LIN52: variants seen among roughly 807,000 people sequenced by gnomAD.
The protein encoded by LIN52 is protein lin-52 homolog.
LIN52 carries 4 observed loss-of-function variants against 18.5 expected under a neutral mutation model. That is an observed-to-expected ratio of 0.22 (90% CI 0.11 to 0.49). The LOEUF is 0.49. Ranked by LOEUF, LIN52 falls within the 20% of genes least tolerant of loss-of-function variation. LIN52 has a pLI of 0.97. For synonymous variants in LIN52, 34 were observed against 45.5 expected (o/e 0.75, Z 1.02); for missense variants, 102 against 139.5 (o/e 0.73, Z 1.35).
intron 5 of LIN52, among the ~76,000 whole-genome samples, chr14:74,117,662 G>A (rs2060973424): frequency 6.6e-6 from 1 of 152,116 alleles, no homozygotes; most frequent in Non-Finnish European, 1.5e-5. Flanking sequence ...AGTTATTGAT[G>A]TTCTAGAAAT....
Position 74,175,752 on chromosome 14 carries a change from C to CACACACACACACA in LIN52, c.284-23170_284-23169insACACACACACACA, listed in dbSNP as rs1566867516. ...CACACACACACACACACACACACACCCCCATTATACAGCTATACCAAAATC... is the reference window on the plus strand; with the variant it reads ...CACACACACACACACACACACACACCACACACACACACACCCATTATACAGCTATACCAAAATC... On this transcript the variant is annotated intron_variant, in intron 5 of 5. Transcript: ENST00000555028. 1.7e-3 allele frequency among the ~76,000 whole-genome samples: 192 copies of CACACACACACACA among 116,128 alleles called. 1 individual carries two copies. The highest frequency in any genetic ancestry group is 6.3e-3 in the African/African-American group (151 of 24,074). 76.2% of individuals were successfully genotyped at this position (116,128 alleles called of 152,430 possible).
chr14:74,103,291 C>T (rs1466261472), intron 5 of LIN52, among the ~76,000 whole-genome samples: 1 of 152,106 alleles, frequency 6.6e-6, no homozygotes, highest in Non-Finnish European at 1.5e-5. Context: ...GGTGGCCAGG[C>T]TGGTCTCAAA....
chr14:74,088,722 G>A (rs1231155892), intron 1 of LIN52, among the ~76,000 whole-genome samples: 2 of 152,166 alleles, frequency 1.3e-5, no homozygotes, highest in Non-Finnish European at 2.9e-5. Context: ...TATATTTTCT[G>A]GGGAGTGAGT....
At chr14:74,170,773 A>G (rs1186534826) in intron 5 of LIN52, among the ~76,000 whole-genome samples, 1 of 152,104 alleles carries the variant, frequency 6.6e-6, no homozygotes, top group Non-Finnish European at 1.5e-5. Context: ...TATTAAAAGC[A>G]AAATTAATAG....
Position 74,200,402 on chromosome 14 carries a change from G to C in LIN52, c.*1425G>C. On this transcript the variant is annotated 3_prime_UTR_variant, in exon 6 of 6. Coordinates refer to ENST00000555028, the MANE Select transcript of LIN52 (RefSeq NM_001024674.3). ...CACTCCAGCCTGGGCAACAGAGTGA[G>C]ACTCTGTCTCAGAAAAAAAAAAAAA... 1 of 123,546 alleles carries C rather than the reference G, an allele frequency of 8.1e-6. No individual in the cohort carries two copies. Among genetic ancestry groups the C allele is most frequent in the African/African-American group, 3.2e-5 (1 of 31,318 alleles). 7.7% of individuals were successfully genotyped at this position (123,546 alleles called of 1,614,324 possible).
intron 5 of LIN52, among the ~76,000 whole-genome samples, chr14:74,113,304 A>G (rs994650356): frequency 6.6e-6 from 1 of 152,144 alleles, no homozygotes; most frequent in Non-Finnish European, 1.5e-5. Flanking sequence ...AGGCAGGAGA[A>G]TGACTTGAAT....
intron 5 of LIN52, among the ~76,000 whole-genome samples, chr14:74,193,668 T>C (rs146015171): frequency 1.1e-3 from 171 of 152,362 alleles, no homozygotes; most frequent in African/African-American, 3.8e-3. Flanking sequence ...CTAGCATTTA[T>C]TGAATGCCTG....
intron 5 of LIN52, chr14:74,114,057 T>C: frequency 1.3e-6 from 1 of 781,988 alleles, no homozygotes; most frequent in Non-Finnish European, 1.5e-6. Flanking sequence ...CTTGGCTCAC[T>C]GCAACCCCTA....
At chr14:74,194,040 T>C (rs1041647738) in intron 5 of LIN52, among the ~76,000 whole-genome samples, 3 of 152,230 alleles carry the variant, frequency 2.0e-5, no homozygotes, top group Non-Finnish European at 1.5e-5. Context: ...GTTCCCTACA[T>C]AAAAGCTGAG....
intron 5 of LIN52, among the ~76,000 whole-genome samples, chr14:74,178,656 C>T (rs558418333): frequency 1.3e-5 from 2 of 151,340 alleles, no homozygotes; most frequent in Non-Finnish European, 2.9e-5. Context: ...GACGGGGTTT[C>T]GCCATATTGG....
intron 5 of LIN52, among the ~76,000 whole-genome samples, chr14:74,165,410 AT>A (rs2061244201): frequency 6.6e-6 from 1 of 151,872 alleles, no homozygotes; most frequent in Non-Finnish European, 1.5e-5. Flanking sequence ...CAGGCATATT[AT>A]TTAGTCATTT....
At chr14:74,108,000 T>C (rs2060907293) in intron 5 of LIN52, among the ~76,000 whole-genome samples, 1 of 152,200 alleles carries the variant, frequency 6.6e-6, no homozygotes, top group Admixed American at 6.5e-5. Flanking sequence ...TGAAAAACCT[T>C]GCACCCATTA....
At chr14:74,153,339 G>A (rs1463871801) in intron 5 of LIN52, among the ~76,000 whole-genome samples, 4 of 152,050 alleles carry the variant, frequency 2.6e-5, no homozygotes, top group South Asian at 2.1e-4. Flanking sequence ...GCTTTATGGC[G>A]GTTTCCCATT....
At chr14:74,132,091 G>A (rs140145654) in intron 5 of LIN52, among the ~76,000 whole-genome samples, 144 of 152,312 alleles carry the variant, frequency 9.5e-4, no homozygotes, top group Non-Finnish European at 1.5e-3. Flanking sequence ...TCTTACATGT[G>A]TATACTCATT....
chr14:74,086,625 A>G (rs946269344), intron 1 of LIN52, among the ~76,000 whole-genome samples: 1 of 152,082 alleles, frequency 6.6e-6, no homozygotes, highest in Non-Finnish European at 1.5e-5. Context: ...ACTGCACTCC[A>G]GTCTGTGTGA....
rs1548771 is a variant in LIN52 at position 74,201,490 on chromosome 14, G to A, written c.*2513G>A. Among the ~76,000 whole-genome samples, 32 of 152,138 alleles carry A rather than the reference G, an allele frequency of 2.1e-4. No individual in the cohort carries two copies. The East Asian group carries it at 4.4e-3, about 21-fold the overall frequency. On this transcript the variant is annotated 3_prime_UTR_variant, in exon 6 of 6. Transcript: ENST00000555028. ...TAATAAAGTCTCAATCTCTTGACCC[G>A]GCATTTTAAGACTCTCTACATGTAA...
intron 5 of LIN52, among the ~76,000 whole-genome samples, chr14:74,190,190 C>T (rs907534241): frequency 5.3e-5 from 8 of 152,058 alleles, no homozygotes; most frequent in Non-Finnish European, 7.4e-5. Context: ...GGCCACTGCA[C>T]GCTTTTGGAA....
At chr14:74,093,038 G>T (rs1030553184) in intron 2 of LIN52, among the ~76,000 whole-genome samples, 13 of 151,868 alleles carry the variant, frequency 8.6e-5, no homozygotes, top group African/African-American at 2.7e-4. Context: ...TGCAACGTCC[G>T]CCTCCCTGGT....
At chr14:74,095,416 T>C (rs1303575428) in intron 2 of LIN52, among the ~76,000 whole-genome samples, 1 of 152,086 alleles carries the variant, frequency 6.6e-6, no homozygotes, top group Admixed American at 6.6e-5. Flanking sequence ...ACTACAGGCA[T>C]GAGCCACTGC....
Sources: allele counts gnomAD v4.1 joint callset (sites outside exome capture counted in the v4.1 genomes callset), GRCh38; gene constraint gnomAD v4.1.1; transcripts MANE v1.5; gene names NCBI Gene and HGNC (gene_info 2026-07-23, HGNC 2026-07-21).